The following RABGAP1L variants were observed in gnomAD, a reference collection of about 807,000 sequenced individuals.
RABGAP1L encodes the protein rab GTPase-activating protein 1-like.
A neutral mutation model predicts 137.7 loss-of-function variants in RABGAP1L; 63 were observed. The ratio of observed to expected loss-of-function variants is 0.46; its 90% CI spans 0.37 to 0.56. RABGAP1L has a LOEUF of 0.56. RABGAP1L is among the 20% of genes least tolerant of loss of function. The pLI is 0.00. For synonymous variants in RABGAP1L, 431 were observed against 433.7 expected (o/e 0.99, Z 0.08); for missense variants, 1,095 against 1,244.0 (o/e 0.88, Z 1.80).
chr1:174,229,729 A>G (rs2148500821), intron 3 of RABGAP1L, among the ~76,000 whole-genome samples: 2 of 152,296 alleles, frequency 1.3e-5, no homozygotes, highest in African/African-American at 4.8e-5. Context: ...ATAAACATAC[A>G]TGTGCATGTG....
At chr1:174,347,885 TG>T (rs1227789342) in intron 11 of RABGAP1L, among the ~76,000 whole-genome samples, 1 of 152,210 alleles carries the variant, frequency 6.6e-6, no homozygotes, top group Non-Finnish European at 1.5e-5. Context: ...ATTTTCAGTC[TG>T]TTTTGTGTTT....
intron 19 of RABGAP1L, among the ~76,000 whole-genome samples, chr1:174,917,849 C>G (rs1270982574): frequency 6.6e-6 from 1 of 150,674 alleles, no homozygotes; most frequent in Non-Finnish European, 1.5e-5. Flanking sequence ...AGGAGAATTG[C>G]TGGAACCTGG....
At chr1:174,190,773 C>G (rs1042786125) in intron 1 of RABGAP1L, among the ~76,000 whole-genome samples, 1 of 152,222 alleles carries the variant, frequency 6.6e-6, no homozygotes, top group Non-Finnish European at 1.5e-5. Flanking sequence ...GGCCTGTCTC[C>G]GCATTCAACA....
intron 25 of RABGAP1L, among the ~76,000 whole-genome samples, 158 bp from the exon 26 acceptor site, chr1:174,989,691 A>G (rs889355896): frequency 6.6e-6 from 1 of 152,178 alleles, no homozygotes; most frequent in Non-Finnish European, 1.5e-5. Context: ...TCTTAACTTT[A>G]TCCTTGTACT....
At chr1:174,834,606 C>CG (rs1387126953) in intron 19 of RABGAP1L, among the ~76,000 whole-genome samples, 2 of 147,580 alleles carry the variant, frequency 1.4e-5, no homozygotes, top group African/African-American at 5.0e-5. Context: ...CATCCCCGCC[C>CG]CCCCCGCCGC....
At chr1:174,696,152 G>A (rs1679240817) in intron 15 of RABGAP1L, among the ~76,000 whole-genome samples, 1 of 151,990 alleles carries the variant, frequency 6.6e-6, no homozygotes, top group African/African-American at 2.4e-5. Flanking sequence ...AGGGTAGCAG[G>A]TTTCCTTCTG....
At position 174,957,650 on chromosome 1, in the gene RABGAP1L, CA is replaced by C. The variant is rs200948121; in HGVS notation, c.2433+103del. On this transcript the variant is annotated intron_variant, in intron 20 of 25. Coordinates refer to ENST00000681986, the MANE Select transcript of RABGAP1L (RefSeq NM_001366446.1). Reference sequence around the variant, plus strand: ...CAGGCTGGTCTTGAACACCTGGCCTCAAGCAATCCTCCCACTCCAGTCTCCC... The same window carrying C: ...CAGGCTGGTCTTGAACACCTGGCCTCAGCAATCCTCCCACTCCAGTCTCCC... 7.0e-4 allele frequency: 756 copies of C among 1,082,494 alleles called. 6 individuals are homozygous for C. In the African/African-American group the frequency reaches 0.011, roughly 15 times the overall value. 67.1% of individuals were successfully genotyped at this position (1,082,494 alleles called of 1,614,324 possible). A position where few individuals can be genotyped will look rare whatever the true frequency, so the allele number is the denominator to read the frequency against.
chr1:174,859,388 C>T (rs1649856493), intron 19 of RABGAP1L, among the ~76,000 whole-genome samples: 1 of 151,706 alleles, frequency 6.6e-6, no homozygotes, highest in Non-Finnish European at 1.5e-5. Flanking sequence ...GAGGCTGAGG[C>T]AGGAGAATGG....
intron 17 of RABGAP1L, among the ~76,000 whole-genome samples, chr1:174,718,643 G>A (rs1329475946): frequency 6.6e-6 from 1 of 152,034 alleles, no homozygotes; most frequent in Non-Finnish European, 1.5e-5. Flanking sequence ...GCAATAAAAC[G>A]TTCCTCCAGC....
intron 11 of RABGAP1L, among the ~76,000 whole-genome samples, chr1:174,323,500 A>G (rs1680191343): frequency 6.6e-6 from 1 of 152,098 alleles, no homozygotes; most frequent in African/African-American, 2.4e-5. Context: ...GATCTTATAT[A>G]TTCTTAATAT....
At chr1:174,743,552 A>G (rs1381772972) in intron 17 of RABGAP1L, among the ~76,000 whole-genome samples, 3 of 152,124 alleles carry the variant, frequency 2.0e-5, no homozygotes, top group African/African-American at 7.2e-5. Context: ...AAACCTCTAA[A>G]AATTTCTTTC....
intron 12 of RABGAP1L, among the ~76,000 whole-genome samples, chr1:174,387,975 C>T (rs1011086129): frequency 6.6e-6 from 1 of 151,834 alleles, no homozygotes; most frequent in African/African-American, 2.4e-5. Context: ...ACTACTATGT[C>T]TTTTATACGA....
rs1553251413 is a variant in RABGAP1L, at chr1:174,195,616, T to TTCCTTC, written c.-33-23509_-33-23508insTCCTTC. ...TTCTTTCTTTCTTTCTTTCTTTCTT[T>TTCCTTC]CTTCCTTCCTTCCTTCCTTCCTTCC... On this transcript the variant is annotated intron_variant, in intron 1 of 25. Coordinates refer to ENST00000681986, the MANE Select transcript of RABGAP1L (RefSeq NM_001366446.1). Among the ~76,000 whole-genome samples the TTCCTTC allele has an allele frequency of 6.9e-3, 397 of 57,594 alleles. 7 individuals carry two copies. The highest frequency in any genetic ancestry group is 0.016 in the South Asian group (20 of 1,254). 37.8% of individuals were successfully genotyped at this position (57,594 alleles called of 152,430 possible).
In RABGAP1L at chr1:174,545,652, C is replaced by G. The variant is rs550962556; in HGVS notation, c.1711-91723C>G. The G allele has an allele frequency of 7.8e-5, 12 of 154,150 alleles. No individual in the cohort carries two copies. The South Asian group carries it at 2.3e-3, about 29-fold the overall frequency. 9.5% of individuals were successfully genotyped at this position (154,150 alleles called of 1,614,324 possible). ...CCTCTGTTGGAAATGCAGAAATCAC[C>G]TGTCTTCTGCGTCGCTCACGCTGGG... On this transcript the variant is annotated intron_variant, in intron 13 of 25. Coordinates refer to ENST00000681986, the MANE Select transcript of RABGAP1L (RefSeq NM_001366446.1).
intron 19 of RABGAP1L, among the ~76,000 whole-genome samples, chr1:174,912,059 G>C (rs2149199049): frequency 6.6e-6 from 1 of 152,256 alleles, no homozygotes; most frequent in East Asian, 1.9e-4. Context: ...TAAGTGGCTA[G>C]GATGTATCAT....
intron 17 of RABGAP1L, chr1:174,705,093 T>A (rs143587615): frequency 1.3e-5 from 2 of 152,110 alleles, no homozygotes; most frequent in Admixed American, 6.6e-5. Flanking sequence ...CAGAAAGAGA[T>A]TAATTTCATA....
intron 13 of RABGAP1L, among the ~76,000 whole-genome samples, chr1:174,567,150 C>T (rs1173425595): frequency 6.6e-6 from 1 of 152,074 alleles, no homozygotes; most frequent in African/African-American, 2.4e-5. Flanking sequence ...CCAACAAAAA[C>T]TATGCCCATT....
rs114655626 is a variant in RABGAP1L, at chr1:174,295,745, C to G, written c.1324-9241C>G. Among the ~76,000 whole-genome samples, 1,372 of 151,380 alleles carry G rather than the reference C, an allele frequency of 9.1e-3. 15 individuals are homozygous for G. Among genetic ancestry groups the G allele is most frequent in the African/African-American group, 0.031 (1,268 of 41,154 alleles). ...TGTTGTCCAGTCTAGTCTCAAACAC[C>G]TGAGCTCAAGTGATCCTCCCACCTT... On this transcript the variant is annotated intron_variant, in intron 10 of 25. Transcript: ENST00000681986.
chr1:174,727,615 G>A (rs955123899), intron 17 of RABGAP1L, among the ~76,000 whole-genome samples: 5 of 152,162 alleles, frequency 3.3e-5, no homozygotes, highest in African/African-American at 1.2e-4. Context: ...CTATTGCATG[G>A]TAGGGTGACT....
Sources: gnomAD v4.1 joint callset for allele counts (sites outside exome capture counted in the v4.1 genomes callset) on GRCh38, gnomAD v4.1.1 for gene constraint, MANE v1.5 for transcripts, NCBI Gene and HGNC (gene_info 2026-07-23, HGNC 2026-07-21) for gene names.